The following TEAD1 variants were observed in gnomAD, a reference collection of about 807,000 sequenced individuals.
TEAD1 encodes the protein TEA domain transcription factor 1.
Under a neutral mutation model 54.9 loss-of-function variants are expected in TEAD1, and 9 were observed. The observed-to-expected ratio is 0.16, with a 90% CI of 0.10 to 0.29. TEAD1 has a LOEUF of 0.29. TEAD1 is among the 10% of genes least tolerant of loss of function. TEAD1 has a pLI of 1.00. For synonymous variants in TEAD1, 200 were observed against 187.8 expected (o/e 1.07, Z -0.53); for missense variants, 387 against 535.9 (o/e 0.72, Z 2.74).
intron 9 of TEAD1, among the ~76,000 whole-genome samples, chr11:12,889,750 C>A (rs1948159969): frequency 6.6e-6 from 1 of 152,088 alleles, no homozygotes; most frequent in Non-Finnish European, 1.5e-5. Context: ...GAGGCAGGGT[C>A]TCACTGCATT....
chr11:12,838,408 T>C (rs1185422094), intron 3 of TEAD1, among the ~76,000 whole-genome samples: 2 of 152,232 alleles, frequency 1.3e-5, no homozygotes, highest in Admixed American at 1.3e-4. Context: ...GTGATCAGAA[T>C]AGCCTCTGAG....
intron 2 of TEAD1, among the ~76,000 whole-genome samples, chr11:12,713,730 A>G (rs1943991715): frequency 6.6e-6 from 1 of 152,214 alleles, no homozygotes; most frequent in Non-Finnish European, 1.5e-5. Flanking sequence ...TGCTAGGGTT[A>G]GTTAGAGCAG....
intron 9 of TEAD1, among the ~76,000 whole-genome samples, chr11:12,890,014 G>A (rs574810421): frequency 1.3e-5 from 2 of 152,230 alleles, no homozygotes; most frequent in South Asian, 4.2e-4. Context: ...GAGCCACCGT[G>A]CCCAGCCAAG....
intron 3 of TEAD1, among the ~76,000 whole-genome samples, chr11:12,780,196 T>G (rs752434866): frequency 2.6e-5 from 4 of 152,138 alleles, no homozygotes; most frequent in Non-Finnish European, 5.9e-5. Flanking sequence ...GTAGCAAGGT[T>G]TCTGGATACA....
intron 3 of TEAD1, among the ~76,000 whole-genome samples, chr11:12,807,809 T>G (rs537214399): frequency 2.6e-5 from 4 of 152,160 alleles, no homozygotes; most frequent in Non-Finnish European, 4.4e-5. Context: ...TGCTTTGAAG[T>G]GCTTGGCAGT....
At chr11:12,735,546 C>T (rs1328799103) in intron 2 of TEAD1, among the ~76,000 whole-genome samples, 2 of 150,950 alleles carry the variant, frequency 1.3e-5, no homozygotes, top group African/African-American at 4.9e-5. Context: ...CCCTCCTTGT[C>T]GCCTTTCCTG....
chr11:12,868,668 AT>A (rs1947674957), intron 5 of TEAD1, among the ~76,000 whole-genome samples: 1 of 152,220 alleles, frequency 6.6e-6, no homozygotes, highest in Non-Finnish European at 1.5e-5. Flanking sequence ...AAAGAAAAAA[AT>A]TGTTCTAGTG....
At chr11:12,931,692 C>T (rs991038227) in intron 12 of TEAD1, among the ~76,000 whole-genome samples, 1 of 151,906 alleles carries the variant, frequency 6.6e-6, no homozygotes, top group South Asian at 2.1e-4. Flanking sequence ...TTCAAGCTAC[C>T]GATAGCTATT....
At chr11:12,860,267 T>C (rs1947471294) in intron 3 of TEAD1, among the ~76,000 whole-genome samples, 1 of 152,202 alleles carries the variant, frequency 6.6e-6, no homozygotes, top group African/African-American at 2.4e-5. Flanking sequence ...GTCTTCTTAT[T>C]CTTAAATATG....
intron 2 of TEAD1, among the ~76,000 whole-genome samples, chr11:12,729,194 A>G (rs1057333179): frequency 2.0e-5 from 3 of 152,350 alleles, no homozygotes; most frequent in South Asian, 4.1e-4. Flanking sequence ...TAAGTGAATG[A>G]GTGAATGACT....
chr11:12,848,751 G>C lies in TEAD1; in HGVS notation c.203-13499G>C, dbSNP rs1947208382. The C allele has an allele frequency of 2.0e-5, 3 of 151,776 alleles. No homozygotes were observed. The South Asian group carries it at 6.2e-4, about 32-fold the overall frequency. 9.4% of individuals were successfully genotyped at this position (151,776 alleles called of 1,614,324 possible). A position where few individuals can be genotyped will look rare whatever the true frequency, so the allele number is the denominator to read the frequency against. On this transcript the variant is annotated intron_variant, in intron 3 of 12. Coordinates refer to ENST00000527636, the MANE Select transcript of TEAD1 (RefSeq NM_021961.6). The stretch of plus-strand genomic sequence containing the variant: ...GCTTGAGGCCAGTAGTTCAAAACCA[G>C]CATGGGCAACACAGTGAGACCCCAT...
intron 10 of TEAD1, among the ~76,000 whole-genome samples, chr11:12,920,487 C>A (rs1293362820): frequency 6.6e-6 from 1 of 152,168 alleles, no homozygotes; most frequent in Admixed American, 6.5e-5. Flanking sequence ...CCAGTCTGTA[C>A]ACCAAAATCA....
intron 3 of TEAD1, among the ~76,000 whole-genome samples, chr11:12,807,363 A>G (rs1424528284): frequency 6.6e-6 from 1 of 152,190 alleles, no homozygotes; most frequent in East Asian, 1.9e-4. Flanking sequence ...GTTGTAACAC[A>G]GGGTAGGGGG....
At chr11:12,719,834 T>G (rs1387809684) in intron 2 of TEAD1, among the ~76,000 whole-genome samples, 1 of 151,938 alleles carries the variant, frequency 6.6e-6, no homozygotes, top group African/African-American at 2.4e-5. Flanking sequence ...GAAAAAACAT[T>G]GAGGGCATAG....
At chr11:12,831,589 C>T (rs1168209319) in intron 3 of TEAD1, among the ~76,000 whole-genome samples, 2 of 152,058 alleles carry the variant, frequency 1.3e-5, no homozygotes, top group Non-Finnish European at 2.9e-5. Context: ...TTCCACCTGG[C>T]TGATATAGTG....
chr11:12,910,513 C>T (rs570471848), intron 10 of TEAD1, among the ~76,000 whole-genome samples: 1 of 152,136 alleles, frequency 6.6e-6, no homozygotes, highest in East Asian at 1.9e-4. Flanking sequence ...AAGAAGAAAG[C>T]AATATGAAAG....
chr11:12,941,759 G>A lies in TEAD1; in HGVS notation c.*4537G>A, dbSNP rs1458685644. The A allele has an allele frequency of 2.6e-5, 4 of 152,642 alleles. No homozygotes were observed. The highest frequency in any genetic ancestry group is 4.8e-5 in the African/African-American group (2 of 41,454). 9.5% of individuals were successfully genotyped at this position (152,642 alleles called of 1,614,324 possible). A position where few individuals can be genotyped will look rare whatever the true frequency, so the allele number is the denominator to read the frequency against. ...TAAGATGTTGCATGTAGGGTATGCA[G>A]TGCAAAAGGCTGCCTCAGAACTGTG... On this transcript the variant is annotated 3_prime_UTR_variant, in exon 13 of 13. Coordinates refer to ENST00000527636, the MANE Select transcript of TEAD1 (RefSeq NM_021961.6).
rs923384819 is a variant in TEAD1, at chr11:12,942,335, G to A, written c.*5113G>A. ...TAATGCCTTTGGTTTACCGGGATGA[G>A]TAACCAACCACAGGCCTCTGTTCAC... On this transcript the variant is annotated 3_prime_UTR_variant, in exon 13 of 13. Coordinates refer to ENST00000527636, the MANE Select transcript of TEAD1 (RefSeq NM_021961.6). 2.6e-5 allele frequency: 4 copies of A among 152,538 alleles called. No individual in the cohort carries two copies. Among genetic ancestry groups the A allele is most frequent in the Non-Finnish European group, 5.9e-5 (4 of 68,020 alleles). 9.4% of individuals were successfully genotyped at this position (152,538 alleles called of 1,614,324 possible). A position where few individuals can be genotyped will look rare whatever the true frequency, so the allele number is the denominator to read the frequency against.
intron 3 of TEAD1, among the ~76,000 whole-genome samples, chr11:12,816,470 C>T (rs1023442258): frequency 6.6e-6 from 1 of 152,190 alleles, no homozygotes; most frequent in Admixed American, 6.5e-5. Context: ...AGTTACCCCG[C>T]CCCCTTTTTG....
Sources: allele counts gnomAD v4.1 joint callset (sites outside exome capture counted in the v4.1 genomes callset), GRCh38; gene constraint gnomAD v4.1.1; transcripts MANE v1.5; gene names NCBI Gene and HGNC (gene_info 2026-07-23, HGNC 2026-07-21).